The following DPP10 variants were observed in gnomAD, a reference collection of about 807,000 sequenced individuals.
DPP10 encodes the protein inactive dipeptidyl peptidase 10.
DPP10 carries 33 observed loss-of-function variants against 120.9 expected under a neutral mutation model. The observed-to-expected ratio is 0.27, with a 90% CI of 0.21 to 0.37. The LOEUF is 0.37. Ranked by LOEUF, DPP10 falls within the 10% of genes least tolerant of loss-of-function variation. The pLI, the probability that DPP10 is intolerant of heterozygous loss-of-function variation, is 1.00. For missense variants in DPP10, 816 were observed against 942.8 expected (o/e 0.87, Z 1.76); for synonymous variants, 337 against 326.1 (o/e 1.03, Z -0.36).
At position 114,442,691 on chromosome 2, in the gene DPP10, C is replaced by T. The variant is rs1029239823; in HGVS notation, c.-88C>T. The T allele has an allele frequency of 1.1e-5, 16 of 1,467,248 alleles. No homozygotes were observed. Among genetic ancestry groups the T allele is most frequent in the Non-Finnish European group, 1.5e-5 (16 of 1,058,154 alleles). The allele number at this position is 1,467,248 out of a possible 1,614,324, so 90.9% of individuals were successfully genotyped here. On this transcript the variant is annotated 5_prime_UTR_variant, in exon 1 of 26. Transcript: ENST00000410059. ...GCAGCGGCAGCAGCAACAGCAGCAGCCCCTACTGAAGTCCAATAGAGGAGA... is the reference window on the plus strand; with the variant it reads ...GCAGCGGCAGCAGCAACAGCAGCAGTCCCTACTGAAGTCCAATAGAGGAGA...
intron 5 of DPP10, among the ~76,000 whole-genome samples, chr2:115,665,947 T>A (rs946500238): frequency 3.9e-5 from 6 of 152,038 alleles, no homozygotes; most frequent in African/African-American, 1.4e-4. Flanking sequence ...GTTTTATGGG[T>A]AAATTGTGTG....
chr2:114,879,406 A>G (rs1425698647), intron 1 of DPP10, among the ~76,000 whole-genome samples: 2 of 152,118 alleles, frequency 1.3e-5, no homozygotes, highest in African/African-American at 2.4e-5. Flanking sequence ...TTATAAACCT[A>G]TTGGACCAAT....
At chr2:114,992,120 C>T (rs1700785021) in intron 1 of DPP10, among the ~76,000 whole-genome samples, 1 of 152,190 alleles carries the variant, frequency 6.6e-6, no homozygotes. Context: ...CATGCATATG[C>T]TTGCAAATAA....
At chr2:115,030,472 T>C (rs1041625705) in intron 1 of DPP10, among the ~76,000 whole-genome samples, 4 of 152,138 alleles carry the variant, frequency 2.6e-5, no homozygotes, top group Non-Finnish European at 5.9e-5. Flanking sequence ...TAAGGAGTGA[T>C]TTTCTTTTTT....
chr2:114,602,824 TTTA>T lies in DPP10; in HGVS notation c.60+159992_60+159994del, dbSNP rs1692479390. On this transcript the variant is annotated intron_variant, in intron 1 of 25. Transcript: ENST00000410059. ...TACTCCAGACAACAACTGGGTGGTT[TTTA>T]TTATTGTTGTTTGCTTTTACGTTTG... Among the ~76,000 whole-genome samples the T allele has an allele frequency of 3.3e-5, 5 of 152,170 alleles. 1 individual carries two copies. In the South Asian group the frequency reaches 1.0e-3, roughly 32 times the overall value.
At chr2:115,544,016 C>T (rs2079339196) in intron 5 of DPP10, among the ~76,000 whole-genome samples, 1 of 151,276 alleles carries the variant, frequency 6.6e-6, no homozygotes, top group Non-Finnish European at 1.5e-5. Flanking sequence ...TTCCCTTCCG[C>T]TGTACAGGTA....
chr2:114,642,974 G>A (rs945863545), intron 1 of DPP10, among the ~76,000 whole-genome samples: 1 of 151,838 alleles, frequency 6.6e-6, no homozygotes, highest in South Asian at 2.1e-4. Flanking sequence ...CCCACATGGG[G>A]GTTATATACC....
At chr2:114,676,784 T>C (rs1444017042) in intron 1 of DPP10, among the ~76,000 whole-genome samples, 1 of 152,100 alleles carries the variant, frequency 6.6e-6, no homozygotes, top group Admixed American at 6.6e-5. Context: ...TATGTATTAA[T>C]ATGTATTCTT....
chr2:114,992,889 G>A (rs550136707), intron 1 of DPP10, among the ~76,000 whole-genome samples: 2 of 152,286 alleles, frequency 1.3e-5, no homozygotes, highest in African/African-American at 4.8e-5. Context: ...ATATGCATAC[G>A]CTTCCATAAA....
At chr2:115,581,131 T>A (rs1217006016) in intron 5 of DPP10, among the ~76,000 whole-genome samples, 1 of 152,156 alleles carries the variant, frequency 6.6e-6, no homozygotes, top group Non-Finnish European at 1.5e-5. Context: ...TTTAGAGTTT[T>A]ACATTCTAGA....
At chr2:115,589,177 CT>C (rs2082474578) in intron 5 of DPP10, among the ~76,000 whole-genome samples, 2 of 152,146 alleles carry the variant, frequency 1.3e-5, no homozygotes, top group African/African-American at 4.8e-5. Context: ...AACCACGAAA[CT>C]CCTGCTTGAA....
intron 1 of DPP10, among the ~76,000 whole-genome samples, chr2:115,238,314 T>A (rs1012439767): frequency 2.0e-5 from 3 of 152,170 alleles, no homozygotes; most frequent in Admixed American, 2.0e-4. Context: ...AAGCCCACGA[T>A]TGAAACCTAC....
rs185760806 is a variant in DPP10, at chr2:114,947,493, T to G, written c.61-361746T>G. Among the ~76,000 whole-genome samples the G allele has an allele frequency of 1.6e-3, 241 of 152,130 alleles. 2 individuals carry two copies. The highest frequency in any genetic ancestry group is 5.4e-3 in the African/African-American group (225 of 41,564). On this transcript the variant is annotated intron_variant, in intron 1 of 25. Transcript: ENST00000410059. ...ATAGTCATATTTATTACTACTAGTT[T>G]ATTTCCCTCAAATAAAATAAGTTCC...
chr2:115,209,294 T>G (rs766423034), intron 1 of DPP10, among the ~76,000 whole-genome samples: 4 of 152,142 alleles, frequency 2.6e-5, no homozygotes, highest in Non-Finnish European at 4.4e-5. Flanking sequence ...CATGAGCACC[T>G]TGGCAGAAAA....
chr2:115,790,008 T>G (rs1340016016), intron 17 of DPP10, among the ~76,000 whole-genome samples: 1 of 152,156 alleles, frequency 6.6e-6, no homozygotes, highest in African/African-American at 2.4e-5. Flanking sequence ...CATGGATATA[T>G]GTGTGTACAA....
chr2:115,475,430 G>A (rs1004944513), intron 3 of DPP10, among the ~76,000 whole-genome samples: 1 of 152,216 alleles, frequency 6.6e-6, no homozygotes, highest in East Asian at 1.9e-4. Flanking sequence ...TTCAGAGAAT[G>A]TATGGAAAAG....
intron 5 of DPP10, among the ~76,000 whole-genome samples, chr2:115,654,298 C>T (rs1476468637): frequency 6.6e-6 from 1 of 151,706 alleles, no homozygotes; most frequent in Admixed American, 6.6e-5. Flanking sequence ...AAGCGAATTG[C>T]CTTTGTCATT....
intron 1 of DPP10, among the ~76,000 whole-genome samples, chr2:114,794,858 A>G (rs946773558): frequency 3.9e-5 from 6 of 152,204 alleles, no homozygotes; most frequent in African/African-American, 7.2e-5. Flanking sequence ...ATTAAACATT[A>G]TTTAACCTCA....
At chr2:115,377,319 T>G (rs1228619398) in intron 3 of DPP10, among the ~76,000 whole-genome samples, 5 of 152,314 alleles carry the variant, frequency 3.3e-5, no homozygotes, top group Non-Finnish European at 7.4e-5. Flanking sequence ...TGAGCATTTT[T>G]TCATGTGTTT....
Sources: allele counts gnomAD v4.1 joint callset (sites outside exome capture counted in the v4.1 genomes callset), GRCh38; gene constraint gnomAD v4.1.1; transcripts MANE v1.5; gene names NCBI Gene and HGNC (gene_info 2026-07-23, HGNC 2026-07-21).